The following SMC3 variants were observed in gnomAD, a reference collection of about 807,000 sequenced individuals.
SMC3 encodes structural maintenance of chromosomes protein 3.
SMC3 carries 20 observed loss-of-function variants against 171.8 expected under a neutral mutation model. That is an observed-to-expected ratio of 0.12 (90% CI 0.08 to 0.17). The LOEUF is 0.17. SMC3 is among the 10% of genes least tolerant of loss of function. The probability of loss-of-function intolerance (pLI) is 1.00; values close to 1 mark genes in which losing one functional copy is unlikely to be tolerated. For synonymous variants in SMC3, 464 were observed against 451.1 expected, an observed-to-expected ratio of 1.03 and a Z score of -0.36; for missense variants, 543 against 1,420.4, an observed-to-expected ratio of 0.38 and a Z score of 9.93.
intron 13 of SMC3, among the ~76,000 whole-genome samples, chr10:110,586,877 G>A (rs1372864157): frequency 5.3e-5 from 8 of 152,040 alleles, no homozygotes; most frequent in African/African-American, 1.9e-4. Context: ...GGCTGTTCTC[G>A]AACTCCTGAC....
At chr10:110,603,517 C>T (rs1861419011) in intron 28 of SMC3, among the ~76,000 whole-genome samples, 1 of 152,106 alleles carries the variant, frequency 6.6e-6, no homozygotes, top group Admixed American at 6.5e-5. Context: ...ATCTTTCTGT[C>T]CAGTCTATTC....
chr10:110,571,307 G>A (rs1434752292), intron 2 of SMC3, among the ~76,000 whole-genome samples: 3 of 152,212 alleles, frequency 2.0e-5, no homozygotes, highest in Non-Finnish European at 4.4e-5. Flanking sequence ...TTGAGGGCAA[G>A]AATGAAGAGA....
Position 110,589,640 on chromosome 10 carries a change from A to G in SMC3, c.1341A>G (p.Arg447=). The change falls in exon 14 of 29, where the codon CGA becomes CGG. Residue 447 remains arginine, a synonymous_variant. Transcript: ENST00000361804. ...AGGATCTTAATGAAGTCAAAGCTCGAGTAGAAGAACTGGACAGAAAATATT... is the reference window on the plus strand; with the variant it reads ...AGGATCTTAATGAAGTCAAAGCTCGGGTAGAAGAACTGGACAGAAAATATT... ...LDQDLNEVKA[R]VEELDRKYYE... is the part of the protein sequence containing the mutation. 2 of 1,611,280 alleles carry G rather than the reference A, an allele frequency of 1.2e-6. No homozygotes were observed. Among genetic ancestry groups the G allele is most frequent in the Non-Finnish European group, 1.7e-6 (2 of 1,177,752 alleles).
At chr10:110,572,285 C>T (rs191808892) in intron 2 of SMC3, among the ~76,000 whole-genome samples, 1 of 152,160 alleles carries the variant, frequency 6.6e-6, no homozygotes, top group Non-Finnish European at 1.5e-5. Flanking sequence ...GTACAATTTA[C>T]AACTTAAGTA....
intron 20 of SMC3, among the ~76,000 whole-genome samples, chr10:110,599,185 C>T (rs894517006): frequency 6.6e-6 from 1 of 152,168 alleles, no homozygotes; most frequent in Non-Finnish European, 1.5e-5. Context: ...GCAACCTCCA[C>T]TTCCTGGGTT....
At position 110,583,358 on chromosome 10, in the gene SMC3, A is replaced by G. The variant is rs11815960; in HGVS notation, c.805-26A>G. 0.052 allele frequency: 82,843 copies of G among 1,593,970 alleles called. 3,450 individuals carry two copies. Among genetic ancestry groups the G allele is most frequent in the African/African-American group, 0.22 (16,296 of 74,314 alleles). ...CTGCTATTGTACTTCTAATTGCCTTATTTTCTGTTTAATACTTTTGAATAG... is the reference window on the plus strand; with the variant it reads ...CTGCTATTGTACTTCTAATTGCCTTGTTTTCTGTTTAATACTTTTGAATAG... On this transcript the variant is annotated intron_variant, in intron 10 of 28. Coordinates refer to ENST00000361804, the MANE Select transcript of SMC3 (RefSeq NM_005445.4).
chr10:110,598,068 T>C (rs768557525), intron 19 of SMC3, 71 bp from the exon 20 acceptor site: 16 of 1,374,538 alleles, frequency 1.2e-5, no homozygotes, highest in Non-Finnish European at 1.3e-5. Context: ...TACATGGTGT[T>C]GTGTCTAAAA....
At position 110,604,371 on chromosome 10, in the gene SMC3, A is replaced by C; in HGVS notation, c.*69A>C. ...ATGATTCTCATACCCAGGAACTGTA[A>C]ATTTAAACCTAAATATTTGGCCAAT... On this transcript the variant is annotated 3_prime_UTR_variant, in exon 29 of 29. Transcript: ENST00000361804. 1.8e-6 allele frequency: 2 copies of C among 1,128,244 alleles called. No individual in the cohort carries two copies. Among genetic ancestry groups the C allele is most frequent in the East Asian group, 4.8e-5 (2 of 42,084 alleles). 69.9% of individuals were successfully genotyped at this position (1,128,244 alleles called of 1,614,324 possible).
chr10:110,587,209 TA>T (rs1487800160), intron 13 of SMC3, among the ~76,000 whole-genome samples: 2 of 152,236 alleles, frequency 1.3e-5, no homozygotes, highest in East Asian at 3.9e-4. Context: ...CAGTGCAAAC[TA>T]AATGTTTTCT....
chr10:110,590,319 A>C, intron 15 of SMC3, 93 bp from the exon 16 acceptor site: 1 of 1,093,370 alleles, frequency 9.1e-7, no homozygotes, highest in Non-Finnish European at 1.4e-6. Flanking sequence ...TCACTGGTAT[A>C]TTTTTAAAAT....
intron 23 of SMC3, among the ~76,000 whole-genome samples, 166 bp downstream of exon 23, chr10:110,601,296 CTT>C (rs1046390902): frequency 2.6e-5 from 4 of 152,102 alleles, no homozygotes; most frequent in East Asian, 1.9e-4. Context: ...TAAATAGTAA[CTT>C]TTGTTTTACT....
At chr10:110,573,136 C>T (rs1860896052) in intron 2 of SMC3, among the ~76,000 whole-genome samples, 1 of 152,112 alleles carries the variant, frequency 6.6e-6, no homozygotes, top group Admixed American at 6.5e-5. Flanking sequence ...TGAGTCTTAA[C>T]ACTGAAAATT....
chr10:110,574,924 A>G (rs1369143739), intron 3 of SMC3, among the ~76,000 whole-genome samples: 1 of 152,234 alleles, frequency 6.6e-6, no homozygotes, highest in Non-Finnish European at 1.5e-5. Context: ...CCACTTAAGC[A>G]TATTCTCAAA....
rs184488848 is a variant in SMC3 at position 110,595,151 on chromosome 10, T to A, written c.1964-1247T>A. ...ACATGCGCCACTATGCCCGGCTAAT[T>A]TTGTATTTAGTAGAGACGGGGTTTC... On this transcript the variant is annotated intron_variant, in intron 18 of 28. Coordinates refer to ENST00000361804, the MANE Select transcript of SMC3 (RefSeq NM_005445.4). 3.9e-3 allele frequency among the ~76,000 whole-genome samples: 586 copies of A among 152,078 alleles called. 5 individuals carry two copies. The highest frequency in any genetic ancestry group is 0.013 in the African/African-American group (552 of 41,478).
chr10:110,582,893 C>T (rs548550614), intron 10 of SMC3, among the ~76,000 whole-genome samples: 98 of 151,398 alleles, frequency 6.5e-4, no homozygotes, highest in Non-Finnish European at 1.1e-3. Flanking sequence ...GTCACAAACT[C>T]CTGGGCTCAA....
At position 110,600,557 on chromosome 10, in the gene SMC3, GTTTT is replaced by G. The variant is rs397847637; in HGVS notation, c.2535+25_2535+28del. 6.1e-5 allele frequency: 60 copies of G among 976,966 alleles called. No individual in the cohort carries two copies. Among genetic ancestry groups the G allele is most frequent in the East Asian group, 7.6e-5 (3 of 39,572 alleles). 60.5% of individuals were successfully genotyped at this position (976,966 alleles called of 1,614,324 possible). A position where few individuals can be genotyped will look rare whatever the true frequency, so the allele number is the denominator to read the frequency against. On this transcript the variant is annotated intron_variant, in intron 22 of 28. Transcript: ENST00000361804. Reference sequence around the variant, plus strand: ...GACCAAGTAGAACAGGTGTGTATGTGTTTTTTTTTTTTTTTTTAAGGGCTCCTTG... The same window carrying G: ...GACCAAGTAGAACAGGTGTGTATGTGTTTTTTTTTTTTTAAGGGCTCCTTG...
At chr10:110,591,217 C>T in intron 17 of SMC3, 85 bp downstream of exon 17, 2 of 1,292,490 alleles carry the variant, frequency 1.5e-6, no homozygotes, top group Non-Finnish European at 2.2e-6. Flanking sequence ...TGCCCAGGCA[C>T]TATACACTGG....
At position 110,605,539 on chromosome 10, in the gene SMC3, TAAAG is replaced by T. The variant is rs746859757; in HGVS notation, c.*1241_*1244del. ...AATACCTAAAGAGATACTTTTAAAATAAAGAAATAGTAATGGGACTTTAAATTGA... is the reference window on the plus strand; with the variant it reads ...AATACCTAAAGAGATACTTTTAAAATAAATAGTAATGGGACTTTAAATTGA... On this transcript the variant is annotated 3_prime_UTR_variant, in exon 29 of 29. Coordinates refer to ENST00000361804, the MANE Select transcript of SMC3 (RefSeq NM_005445.4). Among the ~76,000 whole-genome samples, 6 of 152,328 alleles carry T rather than the reference TAAAG, an allele frequency of 3.9e-5. No homozygotes were observed. The highest frequency in any genetic ancestry group is 6.5e-5 in the Admixed American group (1 of 15,298).
At chr10:110,586,219 A>G (rs1389526158) in intron 13 of SMC3, among the ~76,000 whole-genome samples, 2 of 152,210 alleles carry the variant, frequency 1.3e-5, no homozygotes, top group Non-Finnish European at 2.9e-5. Flanking sequence ...CTCACTTTAC[A>G]TAAAGAAAAA....
Sources: gnomAD v4.1 joint callset for allele counts (sites outside exome capture counted in the v4.1 genomes callset) on GRCh38, gnomAD v4.1.1 for gene constraint, MANE v1.5 for transcripts, NCBI Gene and HGNC (gene_info 2026-07-23, HGNC 2026-07-21) for gene names.